Variants in FBXO17 observed in about 807,000 individuals in gnomAD.
FBXO17 encodes F-box only protein 17.
In FBXO17, 43 loss-of-function variants were observed where a neutral mutation model predicts 34.1. The ratio of observed to expected loss-of-function variants is 1.26; its 90% confidence interval spans 0.99 to 1.62. The LOEUF (loss-of-function observed/expected upper bound fraction) is 1.62, where lower values mean the gene tolerates loss of function less well. Among genes scored for constraint, FBXO17 ranks in the 40% most tolerant of loss-of-function variants. The pLI is 0.00. For synonymous variants in FBXO17, 169 were observed against 166.0 expected, an observed-to-expected ratio of 1.02 and a Z score of -0.14; for missense variants, 424 against 386.7, an observed-to-expected ratio of 1.10 and a Z score of -0.81.
intron 1 of FBXO17, among the ~76,000 whole-genome samples, chr19:38,951,518 TA>T (rs34437526): frequency 0.21 from 29,677 of 143,646 alleles, 3,000 homozygotes; most frequent in Admixed American, 0.32. Flanking sequence ...CCTCTGCCCC[TA>T]AAAAAAAAAA....
At chr19:38,955,182 T>C (rs1390732939) in intron 1 of FBXO17, among the ~76,000 whole-genome samples, 5 of 150,804 alleles carry the variant, frequency 3.3e-5, no homozygotes, top group South Asian at 4.2e-4. Flanking sequence ...CCGCCCGCCT[T>C]GGCCTCCCAA....
chr19:38,950,594 C>T lies in FBXO17; in HGVS notation c.-17-258G>A, dbSNP rs116209228. 1.8e-3 allele frequency among the ~76,000 whole-genome samples: 275 copies of T among 152,340 alleles called. 2 individuals carry two copies. The highest frequency in any genetic ancestry group is 6.3e-3 in the African/African-American group (261 of 41,576). On this transcript the variant is annotated intron_variant, in intron 1 of 5. Coordinates refer to ENST00000292852, the MANE Select transcript of FBXO17 (RefSeq NM_024907.7). ...TGGCGTTCAATTGTGTCAGGCTAAG[C>T]GCTTCAGGTATATGACCAGTGAAAT...
At chr19:38,943,836 C>T (rs567947350) in intron 5 of FBXO17, among the ~76,000 whole-genome samples, 3 of 152,278 alleles carry the variant, frequency 2.0e-5, no homozygotes, top group South Asian at 2.1e-4. Flanking sequence ...GTGATCTGTC[C>T]GCCTTGACCT....
chr19:38,965,760 G>A (rs974401891), intron 1 of FBXO17, among the ~76,000 whole-genome samples: 2 of 152,094 alleles, frequency 1.3e-5, no homozygotes, highest in Non-Finnish European at 2.9e-5. Context: ...ACCCACCTCA[G>A]CCTCCCAAAG....
chr19:38,941,966 G>C lies in FBXO17; in HGVS notation c.*642C>G, dbSNP rs1380685304. 6.6e-6 allele frequency: 1 copy of C among 152,162 alleles called. No individual in the cohort carries two copies. The highest frequency in any genetic ancestry group is 1.5e-5 in the Non-Finnish European group (1 of 68,028). 9.4% of individuals were successfully genotyped at this position (152,162 alleles called of 1,614,324 possible). A position where few individuals can be genotyped will look rare whatever the true frequency, so the allele number is the denominator to read the frequency against. ...CAAGTCTCTGCTCCCTGCGTCGGCA[G>C]AGGGATTTATAAGCCCTCTCTTATA... On this transcript the variant is annotated 3_prime_UTR_variant, in exon 6 of 6. Transcript: ENST00000292852.
rs942998044 is a variant in FBXO17 at position 38,950,251 on chromosome 19, C to T, written c.69G>A (p.Pro23=). ...GGCTCAGCACCTGCACCAGCAGCTC[C>T]GGGGGCAGCGCGTCCAGGGCCAGGG... is the stretch of plus-strand genomic sequence containing the variant. ...DPSLALDALP[P]ELLVQVLSHV... The change falls in exon 2 of 6, where the codon CCG becomes CCA. Residue 23 remains proline (P), a synonymous_variant. Coordinates refer to ENST00000292852, the MANE Select transcript of FBXO17 (RefSeq NM_024907.7). 12 of 1,513,202 alleles carry T rather than the reference C, an allele frequency of 7.9e-6. No individual in the cohort carries two copies. The highest frequency in any genetic ancestry group is 2.1e-5 in the Admixed American group (1 of 48,610). The allele number at this position is 1,513,202 out of a possible 1,614,324, so 93.7% of individuals were successfully genotyped here. A position where few individuals can be genotyped will look rare whatever the true frequency, so the allele number is the denominator to read the frequency against.
intron 3 of FBXO17, 25 bp downstream of exon 3, chr19:38,948,542 G>A (rs780466250): frequency 2.7e-5 from 43 of 1,593,916 alleles, no homozygotes; most frequent in Admixed American, 3.4e-5. Context: ...CCCAGGGATC[G>A]GGGCCTCTCA....
chr19:38,957,157 G>T (rs1439120881), intron 1 of FBXO17, among the ~76,000 whole-genome samples: 1 of 151,946 alleles, frequency 6.6e-6, no homozygotes, highest in African/African-American at 2.4e-5. Context: ...GGTGGAGGTT[G>T]CAGCGAGCAG....
chr19:38,962,579 C>T (rs998779180), intron 1 of FBXO17, among the ~76,000 whole-genome samples: 3 of 152,174 alleles, frequency 2.0e-5, no homozygotes, highest in African/African-American at 7.2e-5. Flanking sequence ...ATGCCTTTGT[C>T]CTTCGGTGAG....
At chr19:38,954,578 GTT>G (rs1026579584) in intron 1 of FBXO17, among the ~76,000 whole-genome samples, 9 of 93,508 alleles carry the variant, frequency 9.6e-5, no homozygotes, top group African/African-American at 1.2e-4. Context: ...CCGAGAATGT[GTT>G]TTTTTTTTTT....
intron 1 of FBXO17, among the ~76,000 whole-genome samples, chr19:38,973,666 A>C (rs1975419460): frequency 6.6e-6 from 1 of 152,190 alleles, no homozygotes; most frequent in African/African-American, 2.4e-5. Context: ...CATAAATACA[A>C]AAATGTTATT....
At chr19:38,957,107 G>A (rs1047014469) in intron 1 of FBXO17, among the ~76,000 whole-genome samples, 3 of 151,990 alleles carry the variant, frequency 2.0e-5, no homozygotes, top group South Asian at 2.1e-4. Flanking sequence ...GTTCTGAGTT[G>A]CATTAATAGT....
At chr19:38,955,097 AT>A (rs906008481) in intron 1 of FBXO17, among the ~76,000 whole-genome samples, 6 of 148,698 alleles carry the variant, frequency 4.0e-5, no homozygotes, top group Admixed American at 2.7e-4. Flanking sequence ...TGCCCAGCTA[AT>A]TTTTTTGTAT....
chr19:38,968,520 A>G (rs1975349901), intron 1 of FBXO17, among the ~76,000 whole-genome samples: 1 of 151,932 alleles, frequency 6.6e-6, no homozygotes, highest in Non-Finnish European at 1.5e-5. Context: ...AAAGTTAAAC[A>G]TAAACTTATA....
At chr19:38,971,283 C>A (rs542660126) in intron 1 of FBXO17, among the ~76,000 whole-genome samples, 26 of 152,046 alleles carry the variant, frequency 1.7e-4, no homozygotes, top group African/African-American at 6.0e-4. Flanking sequence ...TGATTAGCAG[C>A]AAACACCCAG....
At chr19:38,949,414 T>C (rs1975036542) in intron 2 of FBXO17, among the ~76,000 whole-genome samples, 1 of 151,792 alleles carries the variant, frequency 6.6e-6, no homozygotes. Flanking sequence ...TTTTAAATTT[T>C]TTAGAGACAG....
At chr19:38,972,897 T>G (rs1328540415) in intron 1 of FBXO17, among the ~76,000 whole-genome samples, 1 of 151,974 alleles carries the variant, frequency 6.6e-6, no homozygotes, top group Non-Finnish European at 1.5e-5. Context: ...GTAGCTGGGA[T>G]TACAGGTACC....
chr19:38,947,542 G>C (rs912228189), intron 3 of FBXO17: 1 of 152,066 alleles, frequency 6.6e-6, no homozygotes, highest in African/African-American at 2.4e-5. Context: ...AGCCAAGATT[G>C]CGCCACTGCA....
chr19:38,946,427 C>A, intron 4 of FBXO17, 45 bp downstream of exon 4: 1 of 1,612,158 alleles, frequency 6.2e-7, no homozygotes. Flanking sequence ...AGAGCCGCTG[C>A]CAAGCCTGCT....
Sources: gnomAD v4.1 joint callset for allele counts (sites outside exome capture counted in the v4.1 genomes callset) on GRCh38, gnomAD v4.1.1 for gene constraint, MANE v1.5 for transcripts, NCBI Gene and HGNC (gene_info 2026-07-23, HGNC 2026-07-21) for gene names.